CTDSPL: variants seen among roughly 807,000 people sequenced by gnomAD.
CTDSPL encodes CTD small phosphatase-like protein.
CTDSPL carries 8 observed loss-of-function variants against 30.5 expected under a neutral mutation model. The observed-to-expected ratio is 0.26, with a 90% CI of 0.15 to 0.47. CTDSPL has a LOEUF of 0.47. Ranked by LOEUF, CTDSPL falls within the 20% of genes least tolerant of loss-of-function variation. CTDSPL has a pLI of 0.99. For synonymous variants in CTDSPL, 110 were observed against 137.9 expected (o/e 0.80, Z 1.42); for missense variants, 248 against 366.1 (o/e 0.68, Z 2.63).
At chr3:37,961,211 G>T (rs1022259524) in intron 3 of CTDSPL, among the ~76,000 whole-genome samples, 3 of 152,210 alleles carry the variant, frequency 2.0e-5, no homozygotes, top group Non-Finnish European at 4.4e-5. Context: ...TATTGGAAAT[G>T]ACATCTTTAT....
chr3:37,934,684 AG>A (rs1309219814), intron 1 of CTDSPL, among the ~76,000 whole-genome samples: 1 of 152,240 alleles, frequency 6.6e-6, no homozygotes, highest in Non-Finnish European at 1.5e-5. Context: ...TGGATGGCGT[AG>A]GTTAAAACTA....
At chr3:37,915,109 G>A (rs1575296142) in intron 1 of CTDSPL, among the ~76,000 whole-genome samples, 1 of 151,772 alleles carries the variant, frequency 6.6e-6, no homozygotes, top group Non-Finnish European at 1.5e-5. Context: ...TAAAAGTTTT[G>A]ACATTTTCTC....
chr3:37,960,120 C>T (rs1276168034), intron 3 of CTDSPL, among the ~76,000 whole-genome samples: 3 of 151,990 alleles, frequency 2.0e-5, no homozygotes, highest in East Asian at 1.9e-4. Flanking sequence ...CCGAGGTGGG[C>T]GGATCACCTG....
Position 37,975,647 on chromosome 3 carries a change from T to C in CTDSPL, c.520-62T>C, listed in dbSNP as rs1699416624. 1.4e-6 allele frequency: 2 copies of C among 1,403,442 alleles called. No individual in the cohort carries two copies. Among genetic ancestry groups the C allele is most frequent in the East Asian group, 2.3e-5 (1 of 42,938 alleles). The allele number at this position is 1,403,442 out of a possible 1,614,324, so 86.9% of individuals were successfully genotyped here. On this transcript the variant is annotated intron_variant, in intron 6 of 7. Transcript: ENST00000273179. The surrounding 1 kb of genome is among the most constrained non-coding windows in gnomAD (Gnocchi z 4.9). Reference sequence around the variant, plus strand: ...AAACGTAATCTGGATCTTGCTGCTGTAGTTCAGGGTTTGGGGGGCTCTTTT... The same window carrying C: ...AAACGTAATCTGGATCTTGCTGCTGCAGTTCAGGGTTTGGGGGGCTCTTTT...
At chr3:37,948,829 T>C (rs1021075357) in intron 2 of CTDSPL, among the ~76,000 whole-genome samples, 1 of 140,384 alleles carries the variant, frequency 7.1e-6, no homozygotes, top group Non-Finnish European at 1.5e-5. Context: ...TTTTTTTTTT[T>C]TTGAGACGGA....
At chr3:37,879,960 C>T (rs372372425) in intron 1 of CTDSPL, among the ~76,000 whole-genome samples, 34 of 151,540 alleles carry the variant, frequency 2.2e-4, no homozygotes, top group African/African-American at 8.2e-4. Flanking sequence ...TGAGCACCAC[C>T]GTGCTATTCA....
intron 1 of CTDSPL, 132 bp from the exon 2 acceptor site, chr3:37,946,925 C>G: frequency 2.2e-6 from 2 of 890,052 alleles, no homozygotes; most frequent in Non-Finnish European, 3.2e-6. Context: ...CCCTCATCTT[C>G]TCCTGCTGAG....
chr3:37,897,917 TA>T (rs1156292091), intron 1 of CTDSPL, among the ~76,000 whole-genome samples: 1 of 152,208 alleles, frequency 6.6e-6, no homozygotes, highest in African/African-American at 2.4e-5. Context: ...CAAGTGTGAT[TA>T]TTTTTGGAGT....
rs1699507385 is a variant in CTDSPL, at chr3:37,982,820, C to T, written c.*1953C>T. On this transcript the variant is annotated 3_prime_UTR_variant, in exon 8 of 8. Transcript: ENST00000273179. ...TTTGGAAAAGTAGTCATTAAATGAA[C>T]CCACTGCCTTAAATGTCTTGAATGT... The T allele has an allele frequency of 2.7e-6, 1 of 367,686 alleles. No individual in the cohort carries two copies. The highest frequency in any genetic ancestry group is 3.4e-5 in the Admixed American group (1 of 29,400). The allele number at this position is 367,686 out of a possible 1,614,324, so 22.8% of individuals were successfully genotyped here.
At position 37,975,979 on chromosome 3, in the gene CTDSPL, C is replaced by A. The variant is rs117421029; in HGVS notation, c.705+85C>A. ...CAGGTACCACTTTTGAGCACCTACA[C>A]AAGAAGGTCTCTGGGCCTTTTCCTA... On this transcript the variant is annotated intron_variant, in intron 7 of 7. Transcript: ENST00000273179. This position sits in a 1 kb window ranked among gnomAD's most constrained non-coding sequence, Gnocchi z 4.9. 587 of 1,392,656 alleles carry A rather than the reference C, an allele frequency of 4.2e-4. 10 individuals carry two copies. In the East Asian group the frequency reaches 0.013, roughly 32 times the overall value. 86.3% of individuals were successfully genotyped at this position (1,392,656 alleles called of 1,614,324 possible).
chr3:37,904,362 T>C (rs1698487692), intron 1 of CTDSPL, among the ~76,000 whole-genome samples: 1 of 152,060 alleles, frequency 6.6e-6, no homozygotes, highest in African/African-American at 2.4e-5. Context: ...CTATCAGGCA[T>C]TGAGGAAAGG....
chr3:37,864,383 TTTACA>T (rs1446857532), intron 1 of CTDSPL, among the ~76,000 whole-genome samples: 1 of 152,184 alleles, frequency 6.6e-6, no homozygotes, highest in Non-Finnish European at 1.5e-5. Context: ...ATTCAACTTG[TTTACA>T]TTACTTTTCA....
intron 1 of CTDSPL, among the ~76,000 whole-genome samples, chr3:37,934,456 A>G (rs1698891910): frequency 6.6e-6 from 1 of 152,224 alleles, no homozygotes. Context: ...CATAATAAAC[A>G]TGATATAGAT....
intron 1 of CTDSPL, among the ~76,000 whole-genome samples, chr3:37,923,440 G>C (rs1698743677): frequency 6.6e-6 from 1 of 152,198 alleles, no homozygotes; most frequent in Non-Finnish European, 1.5e-5. Flanking sequence ...ACTCTGTGTA[G>C]GAAGAATCAC....
chr3:37,932,098 T>C (rs1698861939), intron 1 of CTDSPL, among the ~76,000 whole-genome samples: 1 of 152,068 alleles, frequency 6.6e-6, no homozygotes, highest in Non-Finnish European at 1.5e-5. Flanking sequence ...GAGAACAGGA[T>C]AGATTTGAAC....
At chr3:37,944,982 A>G (rs1278415800) in intron 1 of CTDSPL, among the ~76,000 whole-genome samples, 1 of 150,066 alleles carries the variant, frequency 6.7e-6, no homozygotes, top group Non-Finnish European at 1.5e-5. Flanking sequence ...TCATTTGTTA[A>G]TTAGTTAGTT....
intron 7 of CTDSPL, among the ~76,000 whole-genome samples, chr3:37,977,685 T>C (rs911098051): frequency 6.6e-6 from 1 of 151,498 alleles, no homozygotes; most frequent in African/African-American, 2.4e-5. Context: ...CCCAAGAGTT[T>C]GAGACCAGCC....
rs369587532 is a variant in CTDSPL at position 37,942,794 on chromosome 3, C to T, written c.80-4263C>T. Among the ~76,000 whole-genome samples the T allele has an allele frequency of 8.0e-5, 12 of 150,582 alleles. No homozygotes were observed. The East Asian group carries it at 2.1e-3, about 27-fold the overall frequency. ...AGGCACAAAGAAGTCACACAACTTG[C>T]CCAGGTCCTGTACTGTTGCTGGTTG... On this transcript the variant is annotated intron_variant, in intron 1 of 7. Coordinates refer to ENST00000273179, the MANE Select transcript of CTDSPL (RefSeq NM_001008392.2).
intron 1 of CTDSPL, among the ~76,000 whole-genome samples, chr3:37,924,086 G>T (rs750700986): frequency 6.6e-6 from 1 of 152,198 alleles, no homozygotes; most frequent in Non-Finnish European, 1.5e-5. Context: ...AGGACAACAG[G>T]CCTCTTGCCG....
Sources: gnomAD v4.1 joint callset for allele counts (sites outside exome capture counted in the v4.1 genomes callset) on GRCh38, gnomAD v4.1.1 for gene constraint, Gnocchi (gnomAD v3.1) non-coding constraint, MANE v1.5 for transcripts, NCBI Gene and HGNC (gene_info 2026-07-23, HGNC 2026-07-21) for gene names.